HS3ST5: variants seen among roughly 807,000 people sequenced by gnomAD.
HS3ST5 encodes the protein heparan sulfate glucosamine 3-O-sulfotransferase 5.
Under a neutral mutation model 25.4 loss-of-function variants are expected in HS3ST5, and 10 were observed. The ratio of observed to expected loss-of-function variants is 0.39; its 90% CI spans 0.24 to 0.67. The LOEUF is 0.67. Ranked by LOEUF, HS3ST5 falls within the 30% of genes least tolerant of loss-of-function variation. HS3ST5 has a pLI of 0.44. For missense variants in HS3ST5, 324 were observed against 420.7 expected (o/e 0.77, Z 2.01); for synonymous variants, 170 against 162.4 (o/e 1.05, Z -0.36).
chr6:114,258,884 A>C (rs560052888), intron 1 of HS3ST5, among the ~76,000 whole-genome samples: 1 of 152,296 alleles, frequency 6.6e-6, no homozygotes, highest in African/African-American at 2.4e-5. Flanking sequence ...GAGACAATAA[A>C]GGAAATAAAG....
At chr6:114,069,581 C>T (rs537919577) in intron 3 of HS3ST5, among the ~76,000 whole-genome samples, 32 of 149,128 alleles carry the variant, frequency 2.1e-4, no homozygotes, top group Non-Finnish European at 3.7e-4. Context: ...TGCAGTGGCA[C>T]GATCTTGGCT....
intron 1 of HS3ST5, among the ~76,000 whole-genome samples, chr6:114,308,280 G>A (rs1775379929): frequency 6.6e-6 from 1 of 152,132 alleles, no homozygotes; most frequent in African/African-American, 2.4e-5. Flanking sequence ...AGAAAACAGT[G>A]TAGTTTAAAA....
chr6:114,090,339 C>T (rs1464772270), intron 3 of HS3ST5, among the ~76,000 whole-genome samples: 3 of 151,988 alleles, frequency 2.0e-5, no homozygotes, highest in African/African-American at 7.3e-5. Flanking sequence ...GTCTCGAATG[C>T]CAGTGATATT....
At chr6:114,138,689 T>G (rs537418040) in intron 3 of HS3ST5, among the ~76,000 whole-genome samples, 71 of 152,378 alleles carry the variant, frequency 4.7e-4, no homozygotes, top group African/African-American at 1.7e-3. Flanking sequence ...GGCAAACATT[T>G]CTTCAAGCTC....
intron 1 of HS3ST5, among the ~76,000 whole-genome samples, chr6:114,307,057 C>A (rs1301487306): frequency 1.3e-5 from 2 of 152,158 alleles, no homozygotes; most frequent in African/African-American, 4.8e-5. Flanking sequence ...TCACTTCAAG[C>A]AAGGACTTCC....
intron 1 of HS3ST5, among the ~76,000 whole-genome samples, chr6:114,280,107 G>C (rs528051209): frequency 6.6e-6 from 1 of 151,774 alleles, no homozygotes; most frequent in African/African-American, 2.4e-5. Flanking sequence ...AAAAAAGTGA[G>C]AGTTTTCCAG....
At chr6:114,211,343 C>T (rs1380975015) in intron 2 of HS3ST5, among the ~76,000 whole-genome samples, 3 of 152,130 alleles carry the variant, frequency 2.0e-5, no homozygotes, top group Non-Finnish European at 4.4e-5. Context: ...GTTTTGTAGA[C>T]AATACAGATC....
intron 3 of HS3ST5, among the ~76,000 whole-genome samples, chr6:114,105,690 C>T (rs1775956669): frequency 1.3e-5 from 2 of 152,054 alleles, no homozygotes; most frequent in Admixed American, 1.3e-4. Flanking sequence ...AGGATAAGTG[C>T]ACTATAAATT....
At chr6:114,084,733 T>C in intron 3 of HS3ST5, 1 of 984,504 alleles carries the variant, frequency 1.0e-6, no homozygotes, top group Admixed American at 1.7e-5. Context: ...TAGTGAAGGT[T>C]CCAGGCGTGA....
chr6:114,182,257 T>C (rs1378289712), intron 2 of HS3ST5, among the ~76,000 whole-genome samples: 2 of 152,222 alleles, frequency 1.3e-5, no homozygotes, highest in African/African-American at 4.8e-5. Context: ...GTTCCACATT[T>C]AGACAATAAC....
chr6:114,230,611 T>TC (rs397887437), intron 1 of HS3ST5, among the ~76,000 whole-genome samples: 1 of 151,124 alleles, frequency 6.6e-6, no homozygotes, highest in African/African-American at 2.4e-5. Flanking sequence ...TTTTTTTTTT[T>TC]GAGACAGAGT....
chr6:114,149,155 T>C (rs530406280), intron 3 of HS3ST5, among the ~76,000 whole-genome samples: 1 of 152,324 alleles, frequency 6.6e-6, no homozygotes, highest in Admixed American at 6.5e-5. Flanking sequence ...AGTTCAACCA[T>C]TGTGGAAGAC....
chr6:114,115,826 A>G (rs1157577351), intron 3 of HS3ST5, among the ~76,000 whole-genome samples: 2 of 152,084 alleles, frequency 1.3e-5, no homozygotes, highest in Non-Finnish European at 2.9e-5. Context: ...TAAGTATTTT[A>G]GTGTCTCTGT....
At chr6:114,335,871 C>T (rs987231218) in intron 1 of HS3ST5, among the ~76,000 whole-genome samples, 1 of 152,004 alleles carries the variant, frequency 6.6e-6, no homozygotes, top group African/African-American at 2.4e-5. Context: ...CCAGGATGGT[C>T]TTGATCTCTT....
At chr6:114,233,787 T>A (rs1009107469) in intron 1 of HS3ST5, among the ~76,000 whole-genome samples, 2 of 152,178 alleles carry the variant, frequency 1.3e-5, no homozygotes, top group Admixed American at 6.5e-5. Context: ...TAGTGGACAT[T>A]TACCTGAAAA....
At position 114,329,717 on chromosome 6, in the gene HS3ST5, C is replaced by A. The variant is rs144929819; in HGVS notation, c.-339+12478G>T. On this transcript the variant is annotated intron_variant, in intron 1 of 4. Transcript: ENST00000312719. ...CACTGAGGCTGAAAGACTTATCACACCCTCAGAGCATCCTGACTGCCTCAT... is the reference window on the plus strand; with the variant it reads ...CACTGAGGCTGAAAGACTTATCACAACCTCAGAGCATCCTGACTGCCTCAT... 3.5e-3 allele frequency among the ~76,000 whole-genome samples: 526 copies of A among 152,268 alleles called. 4 individuals are homozygous for A. The highest frequency in any genetic ancestry group is 6.6e-3 in the Non-Finnish European group (449 of 68,014).
chr6:114,134,721 A>G (rs1777510271), intron 3 of HS3ST5, among the ~76,000 whole-genome samples: 1 of 152,240 alleles, frequency 6.6e-6, no homozygotes, highest in Admixed American at 6.5e-5. Context: ...CATCATTCCT[A>G]TCTAGCTCCT....
At chr6:114,177,881 A>G (rs1251534467) in intron 2 of HS3ST5, among the ~76,000 whole-genome samples, 4 of 152,194 alleles carry the variant, frequency 2.6e-5, no homozygotes, top group African/African-American at 9.6e-5. Context: ...ATGTTTTTTC[A>G]TAGCTGAGAA....
chr6:114,221,316 T>C (rs1782022532), intron 2 of HS3ST5, among the ~76,000 whole-genome samples: 1 of 151,990 alleles, frequency 6.6e-6, no homozygotes, highest in Non-Finnish European at 1.5e-5. Flanking sequence ...TTACTATAGG[T>C]GATTAAAAAA....
Sources: gnomAD v4.1 joint callset for allele counts (sites outside exome capture counted in the v4.1 genomes callset) on GRCh38, gnomAD v4.1.1 for gene constraint, MANE v1.5 for transcripts, NCBI Gene and HGNC (gene_info 2026-07-23, HGNC 2026-07-21) for gene names.